GRIP1: variants seen among roughly 807,000 people sequenced by gnomAD.
GRIP1 encodes the protein glutamate receptor-interacting protein 1.
In GRIP1, 45 loss-of-function variants were observed where a neutral mutation model predicts 129.9. That is an observed-to-expected ratio of 0.35 (90% CI 0.27 to 0.44). The LOEUF is 0.44. GRIP1 is among the 20% of genes least tolerant of loss of function. GRIP1 has a pLI of 1.00. For synonymous variants in GRIP1, 530 were observed against 520.8 expected, an observed-to-expected ratio of 1.02 and a Z score of -0.24; for missense variants, 1,196 against 1,396.8, an observed-to-expected ratio of 0.86 and a Z score of 2.29.
chr12:66,789,742 A>G (rs2038468902), intron 1 of GRIP1, among the ~76,000 whole-genome samples: 1 of 152,144 alleles, frequency 6.6e-6, no homozygotes, highest in Non-Finnish European at 1.5e-5. Context: ...TCTCCCTTGA[A>G]TATAAAACTC....
chr12:66,719,134 C>T (rs945815297), intron 1 of GRIP1, among the ~76,000 whole-genome samples: 4 of 151,938 alleles, frequency 2.6e-5, no homozygotes, highest in East Asian at 1.9e-4. Context: ...AAAAACAATA[C>T]GAAACAAAAC....
At chr12:66,483,954 G>A (rs987217929) in intron 7 of GRIP1, among the ~76,000 whole-genome samples, 2 of 151,604 alleles carry the variant, frequency 1.3e-5, no homozygotes, top group Non-Finnish European at 2.9e-5. Flanking sequence ...CCGCCTCCCG[G>A]GTTCACGCCA....
chr12:66,994,197 GAA>G (rs796904380), intron 1 of GRIP1, among the ~76,000 whole-genome samples: 2 of 137,224 alleles, frequency 1.5e-5, no homozygotes, highest in Admixed American at 7.3e-5. Context: ...AGACAAGTGG[GAA>G]AAAAAAAAAA....
At chr12:66,969,420 G>A (rs1439565935) in intron 1 of GRIP1, among the ~76,000 whole-genome samples, 1 of 151,928 alleles carries the variant, frequency 6.6e-6, no homozygotes, top group Non-Finnish European at 1.5e-5. Context: ...TGTTTGGTTG[G>A]TTTTTGAGAC....
At chr12:66,526,832 A>G (rs1254596407) in intron 5 of GRIP1, among the ~76,000 whole-genome samples, 1 of 151,672 alleles carries the variant, frequency 6.6e-6, no homozygotes, top group Non-Finnish European at 1.5e-5. Context: ...CAAATTTACA[A>G]GAAAAAAACA....
At chr12:66,396,397 G>A (rs2056789691) in intron 16 of GRIP1, among the ~76,000 whole-genome samples, 1 of 152,156 alleles carries the variant, frequency 6.6e-6, no homozygotes, top group South Asian at 2.1e-4. Flanking sequence ...AAGGGGAGTT[G>A]GGGGTAGTCC....
chr12:66,898,978 A>G lies in GRIP1; in HGVS notation c.58+170072T>C, dbSNP rs114423622. 4.9e-3 allele frequency among the ~76,000 whole-genome samples: 752 copies of G among 152,264 alleles called. 6 individuals carry two copies. Among genetic ancestry groups the G allele is most frequent in the African/African-American group, 0.017 (724 of 41,538 alleles). ...AGCATTATGACAGAGCATGCATGTGACAGCATCAGTATCTTCTTACAGCAG... is the reference window on the plus strand; with the variant it reads ...AGCATTATGACAGAGCATGCATGTGGCAGCATCAGTATCTTCTTACAGCAG... On this transcript the variant is annotated intron_variant, in intron 1 of 1. Transcript: ENST00000643019.
At chr12:67,029,578 CAAAAA>C (rs10563216) in intron 1 of GRIP1, among the ~76,000 whole-genome samples, 2 of 88,476 alleles carry the variant, frequency 2.3e-5, no homozygotes, top group Non-Finnish European at 2.4e-5. Context: ...GACCCTGACT[CAAAAA>C]AAAAAAAAAA....
chr12:66,994,424 C>T (rs965667908), intron 1 of GRIP1, among the ~76,000 whole-genome samples: 3 of 149,384 alleles, frequency 2.0e-5, no homozygotes, highest in African/African-American at 7.4e-5. Flanking sequence ...TATCTGACAA[C>T]ATAAAATACC....
intron 1 of GRIP1, among the ~76,000 whole-genome samples, chr12:66,959,443 G>T (rs1039569912): frequency 1.3e-5 from 2 of 152,112 alleles, no homozygotes; most frequent in African/African-American, 2.4e-5. Flanking sequence ...TGAAAGCACA[G>T]ATTATGCATC....
intron 7 of GRIP1, among the ~76,000 whole-genome samples, chr12:66,510,554 A>G (rs556204617): frequency 1.3e-5 from 2 of 152,264 alleles, no homozygotes; most frequent in Non-Finnish European, 1.5e-5. Flanking sequence ...TTGAACTCTT[A>G]ATTTTTCTTC....
At chr12:66,860,479 T>G (rs2040092646) in intron 1 of GRIP1, among the ~76,000 whole-genome samples, 1 of 152,114 alleles carries the variant, frequency 6.6e-6, no homozygotes, top group South Asian at 2.1e-4. Flanking sequence ...TCACCTCACC[T>G]CTATCCTCTT....
rs185102271 is a variant in GRIP1, at chr12:67,016,546, C to T, written c.58+52504G>A. Reference sequence around the variant, plus strand: ...CAGTGCTCACATGCTCAGCAGTCGACGGAAATGGCTGGGCTGAGACTTTAT... The same window carrying T: ...CAGTGCTCACATGCTCAGCAGTCGATGGAAATGGCTGGGCTGAGACTTTAT... On this transcript the variant is annotated intron_variant, in intron 1 of 1. Transcript: ENST00000643019. 1.6e-4 allele frequency among the ~76,000 whole-genome samples: 25 copies of T among 152,142 alleles called. No individual in the cohort carries two copies. The East Asian group carries it at 3.9e-3, about 24-fold the overall frequency.
chr12:66,867,225 G>T lies in GRIP1; in HGVS notation c.58+201825C>A, dbSNP rs184371832. ...GCTGGTCTCAAACTCCTGACCTCAG[G>T]TGATCCGCCCGCCTCAGCCTCCCAA... On this transcript the variant is annotated intron_variant, in intron 1 of 1. Transcript: ENST00000643019. Among the ~76,000 whole-genome samples, 51 of 152,100 alleles carry T rather than the reference G, an allele frequency of 3.4e-4. No homozygotes were observed. In the East Asian group the frequency reaches 9.9e-3, roughly 29 times the overall value.
chr12:66,492,465 C>T (rs542167701), intron 7 of GRIP1, among the ~76,000 whole-genome samples: 9 of 151,924 alleles, frequency 5.9e-5, no homozygotes, highest in Non-Finnish European at 8.8e-5. Context: ...TCCTGTCAAC[C>T]GGGAAGCCTG....
intron 7 of GRIP1, among the ~76,000 whole-genome samples, chr12:66,481,835 A>G (rs2059814713): frequency 1.3e-5 from 2 of 152,118 alleles, no homozygotes; most frequent in Admixed American, 6.5e-5. Context: ...ATTCTCATCA[A>G]ACTAACACAG....
chr12:66,960,421 T>C (rs996937277), intron 1 of GRIP1, among the ~76,000 whole-genome samples: 2 of 152,132 alleles, frequency 1.3e-5, no homozygotes, highest in Non-Finnish European at 2.9e-5. Flanking sequence ...GGTGCCTTAT[T>C]AAGACATAGG....
intron 15 of GRIP1, among the ~76,000 whole-genome samples, chr12:66,408,548 GC>G (rs2057278610): frequency 6.6e-6 from 1 of 152,108 alleles, no homozygotes; most frequent in Admixed American, 6.6e-5. Context: ...CTTGCTGTGG[GC>G]CTTAGGTGAG....
chr12:66,371,583 C>A, intron 23 of GRIP1, 111 bp downstream of exon 23: 1 of 775,458 alleles, frequency 1.3e-6, no homozygotes, highest in Non-Finnish European at 2.4e-6. Context: ...AGCTTCTTTG[C>A]TTGGCTGAGC....
Sources: gnomAD v4.1 joint callset for allele counts (sites outside exome capture counted in the v4.1 genomes callset) on GRCh38, gnomAD v4.1.1 for gene constraint, MANE v1.5 for transcripts, NCBI Gene and HGNC (gene_info 2026-07-23, HGNC 2026-07-21) for gene names.